Variants in SCO1 observed in about 807,000 individuals in gnomAD.
SCO1 encodes cytochrome c oxidase assembly factor SCO1.
Under a neutral mutation model 34.0 loss-of-function variants are expected in SCO1, and 23 were observed. That is an observed-to-expected ratio of 0.68 (90% CI 0.49 to 0.96). The LOEUF is 0.96. SCO1 is among the 40% of genes least tolerant of loss of function. SCO1 has a pLI of 0.00. For missense variants in SCO1, 404 were observed against 381.6 expected (o/e 1.06, Z -0.49); for synonymous variants, 161 against 145.5 (o/e 1.11, Z -0.77).
intron 4 of SCO1, among the ~76,000 whole-genome samples, chr17:10,687,448 C>T (rs1313849120): frequency 1.3e-5 from 2 of 152,132 alleles, no homozygotes; most frequent in Non-Finnish European, 1.5e-5. Context: ...GTAAGTGAAC[C>T]GGTAGAGGTC....
Position 10,697,285 on chromosome 17 carries a change from G to A in SCO1, c.223C>T (p.Pro75Ser), listed in dbSNP as rs774827470. ...RPLSTARPPP[P>S]WSQKGPGDST... ...TCTCCGGGGCCCTTCTGCGACCACG[G>A]GGGTGGCGGCCTCGCAGTGCTGAGG... The change falls in exon 1 of 6, where the codon CCG becomes TCG. Residue 75 changes from proline (P) to serine (S), a missense_variant. Pro to Ser is a moderately conservative substitution (Grantham distance 74, BLOSUM62 -1). Transcript: ENST00000255390. 18 of 1,566,252 alleles carry A rather than the reference G, an allele frequency of 1.1e-5. No homozygotes were observed. The highest frequency in any genetic ancestry group is 5.6e-5 in the Admixed American group (3 of 53,888).
At chr17:10,684,316 C>T (rs959879812) in intron 5 of SCO1, among the ~76,000 whole-genome samples, 2 of 152,204 alleles carry the variant, frequency 1.3e-5, no homozygotes, top group African/African-American at 2.4e-5. Flanking sequence ...CACCTAGCTG[C>T]CCACTGCTGT....
chr17:10,683,778 T>C (rs1430270814), intron 5 of SCO1, among the ~76,000 whole-genome samples: 1 of 151,638 alleles, frequency 6.6e-6, no homozygotes, highest in African/African-American at 2.4e-5. Flanking sequence ...CAGCTTTCTA[T>C]GGAATTCCAA....
chr17:10,688,798 T>C, intron 4 of SCO1, among the ~76,000 whole-genome samples: 1 of 152,208 alleles, frequency 6.6e-6, no homozygotes, highest in East Asian at 1.9e-4. Context: ...ACACAGAAAG[T>C]GCAGACTAAT....
rs2074578585 is a variant in SCO1 at position 10,676,110 on chromosome 17, T to C, written c.*5009A>G. On this transcript the variant is annotated 3_prime_UTR_variant, in exon 6 of 6. Transcript: ENST00000255390. ...TGTTTTTTTCTTTCTTTCTTTTTTG[T>C]TTTTTGAGACAACTCTTGTTGCCCA... 6.6e-6 allele frequency: 1 copy of C among 152,164 alleles called. No homozygotes were observed. The highest frequency in any genetic ancestry group is 2.1e-4 in the South Asian group (1 of 4,824). The allele number at this position is 152,164 out of a possible 1,614,324, so 9.4% of individuals were successfully genotyped here.
intron 2 of SCO1, 189 bp downstream of exon 2, chr17:10,695,552 T>G (rs2074715910): frequency 1.8e-6 from 1 of 544,826 alleles, no homozygotes; most frequent in African/African-American, 1.9e-5. Flanking sequence ...GAAAAATGTG[T>G]CATGGTTATA....
At chr17:10,685,793 A>G (rs2074651707) in intron 5 of SCO1, among the ~76,000 whole-genome samples, 3 of 152,246 alleles carry the variant, frequency 2.0e-5, no homozygotes, top group Non-Finnish European at 4.4e-5. Context: ...GTTGTTCCAA[A>G]TGATGGCTTC....
chr17:10,691,999 C>T (rs774714460), intron 3 of SCO1, 35 bp from the exon 4 acceptor site: 1 of 1,437,586 alleles, frequency 7.0e-7, no homozygotes, highest in Non-Finnish European at 9.8e-7. Flanking sequence ...GTATTCACAC[C>T]CTAAGGGAAA....
At position 10,678,849 on chromosome 17, in the gene SCO1, G is replaced by C. The variant is rs1350482224; in HGVS notation, c.*2270C>G. 1.3e-5 allele frequency: 2 copies of C among 151,014 alleles called. No individual in the cohort carries two copies. Among genetic ancestry groups the C allele is most frequent in the African/African-American group, 4.9e-5 (2 of 40,660 alleles). The allele number at this position is 151,014 out of a possible 1,614,324, so 9.4% of individuals were successfully genotyped here. A position where few individuals can be genotyped will look rare whatever the true frequency, so the allele number is the denominator to read the frequency against. The stretch of plus-strand genomic sequence containing the variant: ...TGGAGCTTGGAAGGCAAAAATCAAG[G>C]AGTCAGCAGGGTTTGTTTTTTTTTT... On this transcript the variant is annotated 3_prime_UTR_variant, in exon 6 of 6. Coordinates refer to ENST00000255390, the MANE Select transcript of SCO1 (RefSeq NM_004589.4).
In SCO1 at chr17:10,678,776, T is replaced by C. The variant is rs1460875963; in HGVS notation, c.*2343A>G. The C allele has an allele frequency of 6.6e-6, 1 of 152,236 alleles. No homozygotes were observed. Among genetic ancestry groups the C allele is most frequent in the Non-Finnish European group, 1.5e-5 (1 of 68,040 alleles). 9.4% of individuals were successfully genotyped at this position (152,236 alleles called of 1,614,324 possible). Reference sequence around the variant, plus strand: ...TTGTATTAGCTTGCTAGGACTGCCTTACCAGGTTTGGTGGCTAAAACAACA... The same window carrying C: ...TTGTATTAGCTTGCTAGGACTGCCTCACCAGGTTTGGTGGCTAAAACAACA... On this transcript the variant is annotated 3_prime_UTR_variant, in exon 6 of 6. Coordinates refer to ENST00000255390, the MANE Select transcript of SCO1 (RefSeq NM_004589.4).
intron 4 of SCO1, among the ~76,000 whole-genome samples, chr17:10,689,272 T>C (rs1017345073): frequency 2.0e-5 from 3 of 152,158 alleles, no homozygotes; most frequent in African/African-American, 7.2e-5. Context: ...GGCAACAAAT[T>C]ATATACTTCA....
chr17:10,691,672 C>G (rs956017952), intron 4 of SCO1, among the ~76,000 whole-genome samples, 200 bp downstream of exon 4: 1 of 152,190 alleles, frequency 6.6e-6, no homozygotes, highest in Non-Finnish European at 1.5e-5. Context: ...ATAAAGAGCA[C>G]TGCATCAGGA....
Position 10,697,265 on chromosome 17 carries a change from G to T in SCO1, c.243C>A (p.Pro81=), listed in dbSNP as rs2074736675. 4 of 1,567,558 alleles carry T rather than the reference G, an allele frequency of 2.6e-6. No individual in the cohort carries two copies. The East Asian group carries it at 9.4e-5, about 37-fold the overall frequency. ...RPPPPWSQKG[P]GDSTRPSKPG... ...GCTTCGAGGGGCGCGTGGAGTCTCC[G>T]GGGCCCTTCTGCGACCACGGGGGTG... Residue 81 remains proline, a synonymous_variant, in exon 1 of 6, where the codon CCC becomes CCA. Transcript: ENST00000255390.
chr17:10,686,609 G>T (rs1027670553), intron 5 of SCO1, 118 bp downstream of exon 5: 5 of 765,112 alleles, frequency 6.5e-6, no homozygotes, highest in African/African-American at 1.7e-5. Flanking sequence ...AATTCCTAAG[G>T]ACTTTGCAAT....
rs2151447355 is a variant in SCO1 at position 10,674,465 on chromosome 17, T to C, written c.*6654A>G. On this transcript the variant is annotated 3_prime_UTR_variant, in exon 6 of 6. Transcript: ENST00000255390. ...AAACAAACAAAAAAACAGACTGTGA[T>C]TGAGGAGAGCTGGAGTGGAGCCTGA... 5 of 276,994 alleles carry C rather than the reference T, an allele frequency of 1.8e-5. No individual in the cohort carries two copies. The highest frequency in any genetic ancestry group is 1.7e-4 in the South Asian group (5 of 29,850). 17.2% of individuals were successfully genotyped at this position (276,994 alleles called of 1,614,324 possible).
At position 10,692,081 on chromosome 17, in the gene SCO1, G is replaced by A. The variant is rs2662942; in HGVS notation, c.563-117C>T. ...CAGCTAGGTGTTTTGAAAGCAGATG[G>A]ACATCTTAACATTCAGGTGAAGAGG... On this transcript the variant is annotated intron_variant, in intron 3 of 5. Coordinates refer to ENST00000255390, the MANE Select transcript of SCO1 (RefSeq NM_004589.4). The A allele has an allele frequency of 0.013, 9,853 of 741,290 alleles. 553 individuals are homozygous for A. The highest frequency in any genetic ancestry group is 0.13 in the African/African-American group (7,499 of 57,720). 45.9% of individuals were successfully genotyped at this position (741,290 alleles called of 1,614,324 possible). A position where few individuals can be genotyped will look rare whatever the true frequency, so the allele number is the denominator to read the frequency against.
rs1360216458 is a variant in SCO1 at position 10,681,390 on chromosome 17, G to A, written c.772-137C>T. On this transcript the variant is annotated intron_variant, in intron 5 of 5. Transcript: ENST00000255390. ...TACAGCATCTATTATTTATGGAATA[G>A]GCTTAAGTCTATCATAGCAAATTCC... is the stretch of plus-strand genomic sequence containing the variant. 4 of 963,044 alleles carry A rather than the reference G, an allele frequency of 4.2e-6. No homozygotes were observed. In the Admixed American group the frequency reaches 6.4e-5, roughly 15 times the overall value. 59.7% of individuals were successfully genotyped at this position (963,044 alleles called of 1,614,324 possible). A position where few individuals can be genotyped will look rare whatever the true frequency, so the allele number is the denominator to read the frequency against.
At chr17:10,697,080 T>C (rs1192426475) in intron 1 of SCO1, among the ~76,000 whole-genome samples, 155 bp downstream of exon 1, 5 of 151,994 alleles carry the variant, frequency 3.3e-5, no homozygotes, top group Admixed American at 6.6e-5. Flanking sequence ...ACGGGAAATG[T>C]AGGATGAAAT....
At chr17:10,687,516 G>T (rs1212985191) in intron 4 of SCO1, among the ~76,000 whole-genome samples, 1 of 152,194 alleles carries the variant, frequency 6.6e-6, no homozygotes. Flanking sequence ...TTTAACAGCA[G>T]TTCCTTTTTC....
Sources: gnomAD v4.1 joint callset for allele counts (sites outside exome capture counted in the v4.1 genomes callset) on GRCh38, gnomAD v4.1.1 for gene constraint, MANE v1.5 for transcripts, NCBI Gene and HGNC (gene_info 2026-07-23, HGNC 2026-07-21) for gene names.